MTHFD2L: variants seen among roughly 807,000 people sequenced by gnomAD.
MTHFD2L encodes methylenetetrahydrofolate dehydrogenase (NADP+ dependent) 2 like, also known as bifunctional methylenetetrahydrofolate dehydrogenase/cyclohydrolase 2, mitochondrial.
MTHFD2L carries 29 observed loss-of-function variants against 34.9 expected under a neutral mutation model. The observed-to-expected ratio is 0.83, with a 90% CI of 0.62 to 1.13. The LOEUF is 1.13. Ranked by LOEUF, MTHFD2L falls within the 50% of genes most tolerant of loss-of-function variation. The pLI is 0.00. For synonymous variants in MTHFD2L, 167 were observed against 155.7 expected, an observed-to-expected ratio of 1.07 and a Z score of -0.54; for missense variants, 481 against 446.5, an observed-to-expected ratio of 1.08 and a Z score of -0.70.
intron 3 of MTHFD2L, among the ~76,000 whole-genome samples, chr4:74,199,184 A>C (rs575893372): frequency 6.6e-6 from 1 of 152,162 alleles, no homozygotes; most frequent in South Asian, 2.1e-4. Flanking sequence ...TGATTACTTT[A>C]TTACTCAGGT....
intron 7 of MTHFD2L, among the ~76,000 whole-genome samples, chr4:74,291,003 C>CCTT (rs1748846516): frequency 1.4e-4 from 4 of 29,272 alleles, no homozygotes; most frequent in Non-Finnish European, 2.6e-4. Context: ...TTTTCCTTTT[C>CCTT]TTTTTTTTTT....
At chr4:74,282,467 T>G (rs1278416451) in intron 7 of MTHFD2L, among the ~76,000 whole-genome samples, 1 of 152,128 alleles carries the variant, frequency 6.6e-6, no homozygotes, top group Non-Finnish European at 1.5e-5. Flanking sequence ...ATTTAGATTT[T>G]GTTTTTTCAC....
intron 6 of MTHFD2L, among the ~76,000 whole-genome samples, chr4:74,226,818 C>T (rs1044061368): frequency 9.9e-5 from 15 of 152,076 alleles, no homozygotes; most frequent in African/African-American, 3.6e-4. Context: ...TGCCAGCCCT[C>T]GTAGAACTTA....
intron 6 of MTHFD2L, among the ~76,000 whole-genome samples, chr4:74,257,676 T>G (rs1744196977): frequency 6.6e-6 from 1 of 152,160 alleles, no homozygotes; most frequent in Non-Finnish European, 1.5e-5. Flanking sequence ...GCTTCTGGAC[T>G]TTGGTTTGGG....
At chr4:74,174,938 G>A (rs1210940062) in intron 2 of MTHFD2L, among the ~76,000 whole-genome samples, 3 of 152,034 alleles carry the variant, frequency 2.0e-5, no homozygotes, top group Non-Finnish European at 2.9e-5. Flanking sequence ...CATCTAAAAG[G>A]CCTGCTTTCA....
chr4:74,259,606 G>A (rs1744438329), intron 6 of MTHFD2L, among the ~76,000 whole-genome samples: 1 of 152,188 alleles, frequency 6.6e-6, no homozygotes, highest in African/African-American at 2.4e-5. Flanking sequence ...AAGTTTATTT[G>A]AAACAGACCA....
At chr4:74,168,500 C>T (rs1727234984) in intron 1 of MTHFD2L, among the ~76,000 whole-genome samples, 2 of 152,198 alleles carry the variant, frequency 1.3e-5, no homozygotes, top group African/African-American at 4.8e-5. Flanking sequence ...AGTCCTTTCT[C>T]TGCCTCATGT....
intron 7 of MTHFD2L, among the ~76,000 whole-genome samples, chr4:74,291,516 T>C (rs1748956488): frequency 6.6e-6 from 1 of 152,190 alleles, no homozygotes; most frequent in South Asian, 2.1e-4. Flanking sequence ...ACAACACATA[T>C]TCATTAATGA....
At chr4:74,242,607 G>T (rs1741882938) in intron 6 of MTHFD2L, among the ~76,000 whole-genome samples, 1 of 152,160 alleles carries the variant, frequency 6.6e-6, no homozygotes, top group South Asian at 2.1e-4. Context: ...TGGAAACCAA[G>T]TCTGTCTTAC....
chr4:74,236,602 G>A (rs1490184983), intron 6 of MTHFD2L, among the ~76,000 whole-genome samples: 1 of 152,224 alleles, frequency 6.6e-6, no homozygotes, highest in African/African-American at 2.4e-5. Context: ...TGCTAGTATG[G>A]ATTGAAAGCT....
At chr4:74,294,678 T>C (rs1288956806) in intron 7 of MTHFD2L, among the ~76,000 whole-genome samples, 1 of 152,138 alleles carries the variant, frequency 6.6e-6, no homozygotes, top group African/African-American at 2.4e-5. Context: ...CCATCATCTC[T>C]ATCATCACCT....
At chr4:74,151,932 T>C (rs1438467375) in intron 1 of MTHFD2L, among the ~76,000 whole-genome samples, 2 of 152,186 alleles carry the variant, frequency 1.3e-5, no homozygotes, top group Admixed American at 1.3e-4. Flanking sequence ...TTATATCTAG[T>C]TTATTAAATG....
chr4:74,226,186 T>C (rs1739135922), intron 6 of MTHFD2L, among the ~76,000 whole-genome samples: 1 of 117,654 alleles, frequency 8.5e-6, no homozygotes, highest in South Asian at 2.9e-4. Flanking sequence ...CCCATTTTGG[T>C]TGACAAAAAA....
intron 1 of MTHFD2L, among the ~76,000 whole-genome samples, chr4:74,143,788 T>C (rs1224259480): frequency 6.6e-6 from 1 of 152,182 alleles, no homozygotes; most frequent in East Asian, 1.9e-4. Context: ...CTTAATATTG[T>C]TTTGTGCTCA....
chr4:74,249,992 C>T (rs1001592016), intron 6 of MTHFD2L, among the ~76,000 whole-genome samples: 2 of 137,336 alleles, frequency 1.5e-5, no homozygotes, highest in African/African-American at 2.7e-5. Context: ...ATCTTTGTGG[C>T]GTTCTGTGTA....
intron 6 of MTHFD2L, among the ~76,000 whole-genome samples, chr4:74,238,779 C>T (rs1741233965): frequency 6.6e-6 from 1 of 152,148 alleles, no homozygotes; most frequent in Non-Finnish European, 1.5e-5. Flanking sequence ...AAATCAAAAC[C>T]ACAATGAGAT....
intron 5 of MTHFD2L, among the ~76,000 whole-genome samples, chr4:74,212,280 G>C (rs1052372439): frequency 1.3e-5 from 2 of 152,044 alleles, no homozygotes; most frequent in Admixed American, 6.6e-5. Context: ...TTTTAATTGT[G>C]ATGTTAGGGT....
chr4:74,129,547 C>T (rs1416671057), intron 1 of MTHFD2L, among the ~76,000 whole-genome samples: 1 of 152,072 alleles, frequency 6.6e-6, no homozygotes, highest in Admixed American at 6.6e-5. Flanking sequence ...AGAAGAAAGA[C>T]ACAACATACC....
At chr4:74,296,118 T>G (rs1350629210) in intron 7 of MTHFD2L, among the ~76,000 whole-genome samples, 1 of 152,138 alleles carries the variant, frequency 6.6e-6, no homozygotes, top group Non-Finnish European at 1.5e-5. Context: ...CTGGTCCAGT[T>G]TATGGCATGT....
Sources: gnomAD v4.1 joint callset for allele counts (sites outside exome capture counted in the v4.1 genomes callset) on GRCh38, gnomAD v4.1.1 for gene constraint, MANE v1.5 for transcripts, NCBI Gene and HGNC (gene_info 2026-07-23, HGNC 2026-07-21) for gene names.